ADCY8: variants seen among roughly 807,000 people sequenced by gnomAD.
The protein encoded by ADCY8 is adenylate cyclase 8.
In ADCY8, 51 loss-of-function variants were observed where a neutral mutation model predicts 119.7. The ratio of observed to expected loss-of-function variants is 0.43; its 90% confidence interval spans 0.34 to 0.54. ADCY8 has a LOEUF of 0.54. Among genes scored for constraint, ADCY8 ranks in the 20% least tolerant of loss-of-function variants. The probability of loss-of-function intolerance (pLI) is 0.03; values close to 1 mark genes in which losing one functional copy is unlikely to be tolerated. For missense variants in ADCY8, 1,383 were observed against 1,598.8 expected (o/e 0.87, Z 2.30); for synonymous variants, 665 against 651.0 (o/e 1.02, Z -0.33).
intron 1 of ADCY8, among the ~76,000 whole-genome samples, chr8:131,002,262 CATT>C (rs1205768844): frequency 6.6e-6 from 1 of 152,154 alleles, no homozygotes; most frequent in African/African-American, 2.4e-5. Context: ...CAGTTATTGT[CATT>C]ATTATTGTTT....
intron 1 of ADCY8, among the ~76,000 whole-genome samples, chr8:131,021,036 T>C (rs1427331755): frequency 6.6e-6 from 1 of 152,174 alleles, no homozygotes; most frequent in East Asian, 1.9e-4. Context: ...ATTAAACAGA[T>C]AAGTATAAGA....
At chr8:130,833,503 C>T (rs55994250) in intron 12 of ADCY8, among the ~76,000 whole-genome samples, 33,569 of 151,976 alleles carry the variant, frequency 0.22, 3,772 homozygotes, top group Admixed American at 0.26. Flanking sequence ...ATGTGGTATA[C>T]GAACACAATG....
At chr8:131,005,338 T>C (rs987526752) in intron 1 of ADCY8, among the ~76,000 whole-genome samples, 1 of 152,230 alleles carries the variant, frequency 6.6e-6, no homozygotes, top group African/African-American at 2.4e-5. Context: ...GCCGTCCTCA[T>C]ACAGGCTGCC....
intron 1 of ADCY8, among the ~76,000 whole-genome samples, chr8:131,026,874 TCAA>T (rs751870374): frequency 1.7e-4 from 26 of 152,206 alleles, no homozygotes; most frequent in Non-Finnish European, 3.5e-4. Flanking sequence ...TTTCATCTCT[TCAA>T]CAACCTCCTG....
chr8:130,970,791 T>C (rs1321297511), intron 2 of ADCY8, among the ~76,000 whole-genome samples: 7 of 152,188 alleles, frequency 4.6e-5, no homozygotes, highest in Non-Finnish European at 8.8e-5. Context: ...GAATGGCTTA[T>C]AGAAAAGCAA....
chr8:130,999,457 C>A (rs1563762024), intron 1 of ADCY8, among the ~76,000 whole-genome samples: 2 of 152,036 alleles, frequency 1.3e-5, no homozygotes. Flanking sequence ...AGCCAGCTTC[C>A]CCATTGATAT....
intron 12 of ADCY8, among the ~76,000 whole-genome samples, chr8:130,830,250 C>A (rs1055345197): frequency 6.6e-5 from 10 of 152,276 alleles, no homozygotes; most frequent in Admixed American, 4.6e-4. Context: ...GACATTGTGA[C>A]AATCATGTTC....
At chr8:130,832,804 G>A (rs1438624268) in intron 12 of ADCY8, among the ~76,000 whole-genome samples, 1 of 152,200 alleles carries the variant, frequency 6.6e-6, no homozygotes, top group Non-Finnish European at 1.5e-5. Context: ...AGAGGGAATA[G>A]GAATCAACAT....
At chr8:130,960,270 A>G (rs574620938) in intron 2 of ADCY8, among the ~76,000 whole-genome samples, 14 of 152,144 alleles carry the variant, frequency 9.2e-5, no homozygotes, top group Non-Finnish European at 2.1e-4. Flanking sequence ...ATAGGCAGGT[A>G]TTAATATTTA....
At chr8:130,794,631 A>T (rs1815524097) in intron 15 of ADCY8, among the ~76,000 whole-genome samples, 2 of 152,230 alleles carry the variant, frequency 1.3e-5, no homozygotes, top group South Asian at 4.1e-4. Context: ...ACTTTTAATG[A>T]TCATAGTTAT....
chr8:131,000,491 C>G (rs1822908543), intron 1 of ADCY8, among the ~76,000 whole-genome samples: 1 of 152,148 alleles, frequency 6.6e-6, no homozygotes, highest in Non-Finnish European at 1.5e-5. Flanking sequence ...CAGGAATCAT[C>G]CAAAGTGCCT....
chr8:130,990,275 C>A lies in ADCY8; in HGVS notation c.1110+118G>T. On this transcript the variant is annotated intron_variant, in intron 2 of 17. Coordinates refer to ENST00000286355, the MANE Select transcript of ADCY8 (RefSeq NM_001115.3). ...TATTTCAGACTCTGGAATCCTGTGA[C>A]ATAAACTTTAAGAGAACACTTTTAA... 6.0e-6 allele frequency: 8 copies of A among 1,334,868 alleles called. No individual in the cohort carries two copies. In the South Asian group the frequency reaches 9.0e-5, roughly 15 times the overall value. The allele number at this position is 1,334,868 out of a possible 1,614,324, so 82.7% of individuals were successfully genotyped here.
rs563808853 is a variant in ADCY8 at position 130,814,870 on chromosome 8, C to T, written c.2755-643G>A. Among the ~76,000 whole-genome samples, 5 of 152,258 alleles carry T rather than the reference C, an allele frequency of 3.3e-5. No individual in the cohort carries two copies. In the East Asian group the frequency reaches 9.7e-4, roughly 29 times the overall value. On this transcript the variant is annotated intron_variant, in intron 13 of 17. Transcript: ENST00000286355. ...GGTGAGATTTGGGTGGGAACACAGC[C>T]AAACCATATCATATCGTCAGAGGTG...
chr8:130,822,506 T>TCATGAATCCATGAATC (rs1279380340), intron 12 of ADCY8, among the ~76,000 whole-genome samples: 8,326 of 141,948 alleles, frequency 0.059, 577 homozygotes, highest in East Asian at 0.099. Context: ...ATCCATCCAT[T>TCATGAATCCATGAATC]CATGAATCCA....
At chr8:130,992,429 A>ATATATATATATATG (rs1822623381) in intron 1 of ADCY8, among the ~76,000 whole-genome samples, 1 of 37,308 alleles carries the variant, frequency 2.7e-5, no homozygotes, top group Admixed American at 3.4e-4. Context: ...ATATATATAT[A>ATATATATATATATG]TTTGAGATAG....
At chr8:130,802,802 T>C (rs1815823627) in intron 14 of ADCY8, among the ~76,000 whole-genome samples, 1 of 152,226 alleles carries the variant, frequency 6.6e-6, no homozygotes, top group African/African-American at 2.4e-5. Flanking sequence ...TCTGCCCAAG[T>C]GACACGCAGC....
At chr8:131,017,669 C>G (rs1372487975) in intron 1 of ADCY8, among the ~76,000 whole-genome samples, 1 of 152,198 alleles carries the variant, frequency 6.6e-6, no homozygotes, top group Non-Finnish European at 1.5e-5. Flanking sequence ...ATCCACCACC[C>G]CTGAATATGT....
intron 8 of ADCY8, among the ~76,000 whole-genome samples, chr8:130,879,946 C>T (rs1312467655): frequency 1.3e-5 from 2 of 152,132 alleles, no homozygotes; most frequent in East Asian, 3.9e-4. Context: ...GGGGCGATGA[C>T]TGAATCATGG....
intron 1 of ADCY8, among the ~76,000 whole-genome samples, chr8:131,030,082 C>T (rs374741761): frequency 6.4e-4 from 98 of 152,262 alleles, no homozygotes; most frequent in African/African-American, 1.9e-3. Flanking sequence ...GAGGAAAACA[C>T]GGGATGTGGA....
Sources: gnomAD v4.1 joint callset for allele counts (sites outside exome capture counted in the v4.1 genomes callset) on GRCh38, gnomAD v4.1.1 for gene constraint, MANE v1.5 for transcripts, NCBI Gene and HGNC (gene_info 2026-07-23, HGNC 2026-07-21) for gene names.